The following FHIP2A variants were observed in gnomAD, a reference collection of about 807,000 sequenced individuals.
FHIP2A encodes family with sequence similarity 160 member B1.
In FHIP2A, 46 loss-of-function variants were observed where a neutral mutation model predicts 93.5. The observed-to-expected ratio is 0.49, with a 90% CI of 0.39 to 0.63. The LOEUF (loss-of-function observed/expected upper bound fraction) is 0.63. FHIP2A is among the 20% of genes least tolerant of loss of function. The pLI is 0.00. For missense variants in FHIP2A, 769 were observed against 909.7 expected, an observed-to-expected ratio of 0.85 and a Z score of 1.99; for synonymous variants, 332 against 326.5, an observed-to-expected ratio of 1.02 and a Z score of -0.18.
chr10:114,826,161 C>T (rs1391076427), intron 1 of FHIP2A, among the ~76,000 whole-genome samples: 2 of 152,220 alleles, frequency 1.3e-5, no homozygotes, highest in South Asian at 2.1e-4. Flanking sequence ...TGAGTCACCA[C>T]GAAAGCCTGG....
chr10:114,836,271 T>A (rs1314082347), intron 5 of FHIP2A, 25 bp downstream of exon 5: 1 of 1,543,572 alleles, frequency 6.5e-7, no homozygotes, highest in Non-Finnish European at 8.9e-7. Flanking sequence ...TTATCAACTT[T>A]CAAACTGTAG....
chr10:114,875,922 A>AAG (rs1179744909), intron 16 of FHIP2A, among the ~76,000 whole-genome samples: 1 of 150,590 alleles, frequency 6.6e-6, no homozygotes, highest in African/African-American at 2.4e-5. Context: ...GAAAGAAAGA[A>AAG]AGAAAGAAAG....
chr10:114,835,992 A>T lies in FHIP2A; in HGVS notation c.400-132A>T, dbSNP rs1447419400. 5.1e-6 allele frequency: 3 copies of T among 584,302 alleles called. No individual in the cohort carries two copies. The African/African-American group carries it at 5.6e-5, about 11-fold the overall frequency. 36.2% of individuals were successfully genotyped at this position (584,302 alleles called of 1,614,324 possible). A position where few individuals can be genotyped will look rare whatever the true frequency, so the allele number is the denominator to read the frequency against. On this transcript the variant is annotated intron_variant, in intron 4 of 16. Coordinates refer to ENST00000369248, the MANE Select transcript of FHIP2A (RefSeq NM_020940.4). ...GATATAGATAATTATAAATATCATT[A>T]GTGTTCTGATTAATGCAGGATATTT...
At position 114,862,342 on chromosome 10, in the gene FHIP2A, G is replaced by A. The variant is rs918178420; in HGVS notation, c.*802G>A. On this transcript the variant is annotated 3_prime_UTR_variant, in exon 17 of 17. Transcript: ENST00000369248. ...TTTTTTAAGCTAAGTAACATGTACTGGGTTGAGAACCTTTTTCCCCCCTCT... is the reference window on the plus strand; with the variant it reads ...TTTTTTAAGCTAAGTAACATGTACTAGGTTGAGAACCTTTTTCCCCCCTCT... 9.1e-6 allele frequency: 9 copies of A among 987,184 alleles called. No homozygotes were observed. The African/African-American group carries it at 1.6e-4, about 17-fold the overall frequency. 61.2% of individuals were successfully genotyped at this position (987,184 alleles called of 1,614,324 possible). A position where few individuals can be genotyped will look rare whatever the true frequency, so the allele number is the denominator to read the frequency against.
chr10:114,875,767 A>T (rs537668624), intron 16 of FHIP2A, among the ~76,000 whole-genome samples: 1 of 151,280 alleles, frequency 6.6e-6, no homozygotes, highest in East Asian at 1.9e-4. Context: ...AGAAAGAAAG[A>T]GAAAAGAGAG....
chr10:114,895,738 T>C (rs758879528), intron 16 of FHIP2A, among the ~76,000 whole-genome samples: 8 of 152,176 alleles, frequency 5.3e-5, no homozygotes, highest in Admixed American at 2.6e-4. Flanking sequence ...GTTATATCCA[T>C]GTCTGGTGCT....
intron 1 of FHIP2A, among the ~76,000 whole-genome samples, chr10:114,822,522 GA>G (rs563571871): frequency 4.6e-5 from 7 of 152,318 alleles, no homozygotes; most frequent in South Asian, 2.1e-4. Flanking sequence ...ACCTTCTCCG[GA>G]AAAAAAGTGG....
At chr10:114,885,675 C>T (rs1042854046) in intron 16 of FHIP2A, among the ~76,000 whole-genome samples, 5 of 152,214 alleles carry the variant, frequency 3.3e-5, no homozygotes, top group Non-Finnish European at 7.3e-5. Context: ...CTATTCACCC[C>T]ACCTAATCAG....
At position 114,883,880 on chromosome 10, in the gene FHIP2A, G is replaced by A. The variant is rs1051178064; in HGVS notation, c.2193-15610G>A. ...CGGGTATGAGCCACCATGCCCGGCC[G>A]ATATACAAGAGATTTTCTTAAACTG... On this transcript the variant is annotated intron_variant, in intron 16 of 16. Transcript: ENST00000369250. Among the ~76,000 whole-genome samples the A allele has an allele frequency of 7.2e-5, 11 of 152,024 alleles. No homozygotes were observed. In the East Asian group the frequency reaches 1.2e-3, roughly 16 times the overall value.
Position 114,864,065 on chromosome 10 carries a change from G to A in FHIP2A, c.*2525G>A. 1.0e-6 allele frequency: 1 copy of A among 989,532 alleles called. No homozygotes were observed. The highest frequency in any genetic ancestry group is 1.2e-6 in the Non-Finnish European group (1 of 832,344). The allele number at this position is 989,532 out of a possible 1,614,324, so 61.3% of individuals were successfully genotyped here. The stretch of plus-strand genomic sequence containing the variant: ...TTTGTGCAATATGGAAGCTGTGAGT[G>A]GATTCATAGCTTTTTGGTTTAATTG... On this transcript the variant is annotated 3_prime_UTR_variant, in exon 17 of 17. Coordinates refer to ENST00000369248, the MANE Select transcript of FHIP2A (RefSeq NM_020940.4).
At chr10:114,854,377 A>C (rs546411666) in intron 13 of FHIP2A, among the ~76,000 whole-genome samples, 2 of 152,154 alleles carry the variant, frequency 1.3e-5, no homozygotes, top group Non-Finnish European at 2.9e-5. Context: ...CTGTAATTCC[A>C]GCTACTTGGG....
At chr10:114,871,132 TATATATACAC>T (rs1437861009) in intron 16 of FHIP2A, among the ~76,000 whole-genome samples, 2 of 148,952 alleles carry the variant, frequency 1.3e-5, no homozygotes, top group East Asian at 3.9e-4. Context: ...ATATATTATA[TATATATACAC>T]ACATATACAC....
chr10:114,833,109 C>T, intron 2 of FHIP2A, 124 bp from the exon 3 acceptor site: 1 of 677,136 alleles, frequency 1.5e-6, no homozygotes, highest in Non-Finnish European at 2.5e-6. Context: ...TTATAAACCT[C>T]ACTTAAGTGT....
At chr10:114,871,610 C>G (rs1225748488) in intron 16 of FHIP2A, among the ~76,000 whole-genome samples, 1 of 152,132 alleles carries the variant, frequency 6.6e-6, no homozygotes, top group Non-Finnish European at 1.5e-5. Flanking sequence ...CTGCAGAAAC[C>G]TCTATTACAT....
chr10:114,831,671 G>A (rs1332172882), intron 2 of FHIP2A, among the ~76,000 whole-genome samples: 1 of 152,172 alleles, frequency 6.6e-6, no homozygotes, highest in Non-Finnish European at 1.5e-5. Flanking sequence ...AACATTTCTT[G>A]AATTCTTTGT....
intron 16 of FHIP2A, among the ~76,000 whole-genome samples, chr10:114,871,268 T>C (rs1170050194): frequency 2.6e-5 from 4 of 151,998 alleles, no homozygotes; most frequent in Non-Finnish European, 4.4e-5. Context: ...TCTTCCTGCC[T>C]CAGTCTCTCC....
intron 2 of FHIP2A, among the ~76,000 whole-genome samples, chr10:114,832,798 ACCT>A (rs2083615187): frequency 7.0e-6 from 1 of 143,454 alleles, no homozygotes; most frequent in South Asian, 2.2e-4. Context: ...TGCAGCCTCC[ACCT>A]CCCAGGTTCA....
chr10:114,865,176 C>T (rs1254097438), downstream of FHIP2A, among the ~76,000 whole-genome samples: 2 of 151,882 alleles, frequency 1.3e-5, no homozygotes, highest in East Asian at 1.9e-4. Context: ...TTAGTAGAGA[C>T]GGGGTTTTAC....
intron 7 of FHIP2A, among the ~76,000 whole-genome samples, chr10:114,844,783 T>G (rs1431093903): frequency 6.6e-6 from 1 of 152,052 alleles, no homozygotes; most frequent in Non-Finnish European, 1.5e-5. Flanking sequence ...ACTGTTTTTT[T>G]GTTTGTTTGT....
Sources: allele counts gnomAD v4.1 joint callset (sites outside exome capture counted in the v4.1 genomes callset), GRCh38; gene constraint gnomAD v4.1.1; transcripts MANE v1.5; gene names NCBI Gene and HGNC (gene_info 2026-07-23, HGNC 2026-07-21).